The following VSTM5 variants were observed in gnomAD, a reference collection of about 807,000 sequenced individuals.
VSTM5 encodes V-set and transmembrane domain containing 5.
Under a neutral mutation model 20.3 loss-of-function variants are expected in VSTM5, and 21 were observed. That is an observed-to-expected ratio of 1.03 (90% CI 0.73 to 1.49). The LOEUF is 1.49. VSTM5 is among the 40% of genes most tolerant of loss of function. The pLI, the probability that VSTM5 is intolerant of heterozygous loss-of-function variation, is 0.00. For synonymous variants in VSTM5, 100 were observed against 102.5 expected (o/e 0.98, Z 0.14); for missense variants, 219 against 250.0 (o/e 0.88, Z 0.84).
At chr11:93,836,246 C>G (rs188998220) in intron 1 of VSTM5, among the ~76,000 whole-genome samples, 1 of 152,330 alleles carries the variant, frequency 6.6e-6, no homozygotes, top group Non-Finnish European at 1.5e-5. Context: ...CTTCACTATG[C>G]CTGCTTAATC....
At chr11:93,825,449 C>T (rs932698236) in intron 1 of VSTM5, among the ~76,000 whole-genome samples, 3 of 152,222 alleles carry the variant, frequency 2.0e-5, no homozygotes, top group Non-Finnish European at 4.4e-5. Flanking sequence ...GGATTACATG[C>T]GTGAGCCACT....
intron 1 of VSTM5, among the ~76,000 whole-genome samples, chr11:93,832,170 T>C (rs1944288304): frequency 6.6e-6 from 1 of 152,176 alleles, no homozygotes; most frequent in Admixed American, 6.5e-5. Flanking sequence ...TGTTCACTGG[T>C]AAGGAACCAG....
rs553237869 is a variant in VSTM5, at chr11:93,850,596, C to A, written c.-94G>T. ...TTCTCTCTTCCTCCGCCTCTGGCTG[C>A]CGCAGGTTCTTTAGGGCCAGATGCA... On this transcript the variant is annotated 5_prime_UTR_variant, in exon 1 of 4. Transcript: ENST00000409977. 9 of 693,908 alleles carry A rather than the reference C, an allele frequency of 1.3e-5. No homozygotes were observed. The highest frequency in any genetic ancestry group is 4.6e-5 in the Admixed American group (1 of 21,854). The allele number at this position is 693,908 out of a possible 1,614,324, so 43.0% of individuals were successfully genotyped here. A position where few individuals can be genotyped will look rare whatever the true frequency, so the allele number is the denominator to read the frequency against.
In VSTM5 at chr11:93,850,568, G is replaced by T; in HGVS notation, c.-66C>A. The T allele has an allele frequency of 1.6e-6, 2 of 1,228,176 alleles. No homozygotes were observed. Among genetic ancestry groups the T allele is most frequent in the Non-Finnish European group, 1.1e-6 (1 of 894,238 alleles). The allele number at this position is 1,228,176 out of a possible 1,614,324, so 76.1% of individuals were successfully genotyped here. A position where few individuals can be genotyped will look rare whatever the true frequency, so the allele number is the denominator to read the frequency against. Reference sequence around the variant, plus strand: ...CGCACCGCGCTGCAGCTCCTATGCAGCCTTCTCTCTTCCTCCGCCTCTGGC... The same window carrying T: ...CGCACCGCGCTGCAGCTCCTATGCATCCTTCTCTCTTCCTCCGCCTCTGGC... On this transcript the variant is annotated 5_prime_UTR_variant, in exon 1 of 4. It adds an upstream start codon to the 5' untranslated region. Transcript: ENST00000409977.
intron 1 of VSTM5, among the ~76,000 whole-genome samples, chr11:93,828,075 C>CT (rs1452261101): frequency 6.6e-6 from 1 of 152,044 alleles, no homozygotes; most frequent in Middle Eastern, 3.2e-3. Flanking sequence ...TTTAAAAAGT[C>CT]TTTTTAAGTT....
intron 1 of VSTM5, among the ~76,000 whole-genome samples, chr11:93,840,117 C>A (rs1201068083): frequency 6.6e-6 from 1 of 152,166 alleles, no homozygotes; most frequent in Non-Finnish European, 1.5e-5. Context: ...AGACTTCTAG[C>A]CTTTAGAACT....
intron 1 of VSTM5, among the ~76,000 whole-genome samples, chr11:93,842,312 C>T (rs896157517): frequency 5.9e-5 from 9 of 152,200 alleles, no homozygotes; most frequent in Non-Finnish European, 1.3e-4. Flanking sequence ...CTCCAGATCA[C>T]ATAATGGAAC....
chr11:93,831,205 G>A (rs116323871), intron 1 of VSTM5, among the ~76,000 whole-genome samples: 2,779 of 152,112 alleles, frequency 0.018, 79 homozygotes, highest in African/African-American at 0.064. Context: ...GACAAAAGGT[G>A]TGCACTAGAG....
At chr11:93,850,387 A>G (rs1944449336) in intron 1 of VSTM5, 25 bp downstream of exon 1, 1 of 1,529,634 alleles carries the variant, frequency 6.5e-7, no homozygotes, top group African/African-American at 1.4e-5. Flanking sequence ...CTCCCCCAGC[A>G]CCCGGGGCGT....
chr11:93,831,001 C>T (rs1044761219), intron 1 of VSTM5, among the ~76,000 whole-genome samples: 5 of 151,776 alleles, frequency 3.3e-5, no homozygotes, highest in Admixed American at 6.6e-5. Context: ...CAAAGCAGTC[C>T]GCCCACCCCG....
chr11:93,847,245 C>G (rs2135741453), intron 1 of VSTM5, among the ~76,000 whole-genome samples: 3 of 152,316 alleles, frequency 2.0e-5, no homozygotes, highest in Admixed American at 2.0e-4. Flanking sequence ...GTAGGTGCTT[C>G]TAAGATGTTT....
At chr11:93,841,019 C>G (rs1488279188) in intron 1 of VSTM5, among the ~76,000 whole-genome samples, 1 of 144,652 alleles carries the variant, frequency 6.9e-6, no homozygotes, top group East Asian at 1.9e-4. Context: ...TTAACAAAAA[C>G]GCAGTAAAGC....
intron 1 of VSTM5, chr11:93,822,115 T>C (rs1944192012): frequency 6.6e-6 from 1 of 152,236 alleles, no homozygotes; most frequent in East Asian, 1.9e-4. Context: ...GGGGTCTCGC[T>C]CTGTCGCCCA....
chr11:93,821,663 A>C (rs1304735521), intron 1 of VSTM5: 3 of 284,872 alleles, frequency 1.1e-5, no homozygotes, highest in African/African-American at 6.6e-5. Context: ...GACTCTTCTC[A>C]TGACTCTCTG....
chr11:93,830,917 AT>A (rs1412243278), intron 1 of VSTM5, among the ~76,000 whole-genome samples: 2 of 151,554 alleles, frequency 1.3e-5, no homozygotes, highest in Non-Finnish European at 2.9e-5. Flanking sequence ...AGGCCCGGCT[AT>A]TTTTTATTTT....
At chr11:93,847,430 G>C (rs1414742583) in intron 1 of VSTM5, among the ~76,000 whole-genome samples, 1 of 152,104 alleles carries the variant, frequency 6.6e-6, no homozygotes, top group East Asian at 1.9e-4. Flanking sequence ...GGCATCCCTG[G>C]GTCTGTCCAC....
In VSTM5 at chr11:93,818,538, G is replaced by GGGA. The variant is rs1555036053; in HGVS notation, c.*2030_*2031insTCC. Reference sequence around the variant, plus strand: ...TAAACTGTCATGAGATTTGGGCGGGGGGGCAATTTAATTGACATCTGCCAT... The same window carrying GGGA: ...TAAACTGTCATGAGATTTGGGCGGGGGGAGGGCAATTTAATTGACATCTGCCAT... On this transcript the variant is annotated 3_prime_UTR_variant, in exon 4 of 4. Transcript: ENST00000409977. The GGGA allele has an allele frequency of 2.1e-5, 3 of 140,318 alleles. No individual in the cohort carries two copies. Among genetic ancestry groups the GGGA allele is most frequent in the African/African-American group, 7.6e-5 (3 of 39,230 alleles). 8.7% of individuals were successfully genotyped at this position (140,318 alleles called of 1,614,324 possible).
intron 1 of VSTM5, among the ~76,000 whole-genome samples, chr11:93,848,580 G>A (rs1239957144): frequency 6.6e-6 from 1 of 152,194 alleles, no homozygotes; most frequent in Non-Finnish European, 1.5e-5. Flanking sequence ...GGCTGTTTTG[G>A]GGAAGTTTCC....
intron 1 of VSTM5, among the ~76,000 whole-genome samples, chr11:93,846,235 A>G (rs1944409670): frequency 8.8e-6 from 1 of 113,846 alleles, no homozygotes. Context: ...AGAGTCTTAC[A>G]TCAGATAAGG....
Sources: gnomAD v4.1 joint callset for allele counts (sites outside exome capture counted in the v4.1 genomes callset) on GRCh38, gnomAD v4.1.1 for gene constraint, MANE v1.5 for transcripts, NCBI Gene and HGNC (gene_info 2026-07-23, HGNC 2026-07-21) for gene names.